Variants in C1orf167 observed in about 807,000 individuals in gnomAD.
C1orf167 encodes the protein chromosome 1 open reading frame 167, also known as uncharacterized protein C1orf167.
C1orf167 carries 153 observed loss-of-function variants against 176.5 expected under a neutral mutation model. The ratio of observed to expected loss-of-function variants is 0.87; its 90% CI spans 0.76 to 0.99. The LOEUF is 0.99. Among genes scored for constraint, C1orf167 ranks in the 50% least tolerant of loss-of-function variants. The pLI, the probability that C1orf167 is intolerant of heterozygous loss-of-function variation, is 0.00. For synonymous variants in C1orf167, 594 were observed against 752.7 expected (o/e 0.79, Z 3.45); for missense variants, 1,490 against 1,817.7 (o/e 0.82, Z 3.28).
chr1:11,773,407 CTT>C (rs1007511135), intron 8 of C1orf167, among the ~76,000 whole-genome samples: 5 of 152,066 alleles, frequency 3.3e-5, no homozygotes, highest in Admixed American at 6.6e-5. Context: ...GATAAGGACT[CTT>C]TAGAAACATA....
chr1:11,775,634 C>G (rs1302326647), intron 9 of C1orf167, 24 bp downstream of exon 9: 17 of 1,288,798 alleles, frequency 1.3e-5, no homozygotes, highest in Non-Finnish European at 1.6e-5. Flanking sequence ...GGCTTCCGCC[C>G]CAGCAAACCG....
chr1:11,771,096 T>G (rs1408759307), intron 6 of C1orf167, among the ~76,000 whole-genome samples: 1 of 89,440 alleles, frequency 1.1e-5, no homozygotes, highest in Admixed American at 1.1e-4. Flanking sequence ...TTTTTTTTTT[T>G]GTAGTAGAGA....
intron 2 of C1orf167, 40 bp downstream of exon 2, chr1:11,764,510 C>T: frequency 7.8e-7 from 1 of 1,282,314 alleles, no homozygotes; most frequent in Non-Finnish European, 1.0e-6. Flanking sequence ...GTTACAGGAG[C>T]AGGGCCCTCT....
chr1:11,784,480 G>A lies in C1orf167; in HGVS notation c.3312G>A (p.Glu1104=). ...ATGAGGCCCAGCAGCAGGCAGGAGA[G>A]AGCGCTGGGGCCCAGGCAGCCCAGT... The part of the protein sequence containing the change: ...MHHEAQQQAG[E]SAGAQAAQCW... Residue 1104 remains glutamate (E), a synonymous_variant, in exon 15 of 21, where the codon GAG becomes GAA. Transcript: ENST00000688073. The A allele has an allele frequency of 1.5e-6, 2 of 1,303,282 alleles. No individual in the cohort carries two copies. Among genetic ancestry groups the A allele is most frequent in the Non-Finnish European group, 2.0e-6 (2 of 988,922 alleles). The allele number at this position is 1,303,282 out of a possible 1,614,324, so 80.7% of individuals were successfully genotyped here.
intron 16 of C1orf167, chr1:11,786,864 A>G (rs1643886891): frequency 6.6e-6 from 1 of 152,256 alleles, no homozygotes; most frequent in African/African-American, 2.4e-5. Flanking sequence ...TTTCTAGATA[A>G]GTTACAGGGC....
At chr1:11,777,095 A>G (rs1299764726) in intron 10 of C1orf167, 1 of 152,954 alleles carries the variant, frequency 6.5e-6, no homozygotes, top group Admixed American at 6.5e-5. Context: ...TCAAGCTTTT[A>G]TCTCCTCTCC....
intron 20 of C1orf167, 85 bp downstream of exon 20, chr1:11,788,831 G>A: frequency 8.3e-7 from 1 of 1,200,956 alleles, no homozygotes; most frequent in South Asian, 1.3e-5. Context: ...CACGCACCGT[G>A]GAGCTTTCCC....
chr1:11,765,107 G>T (rs533690019), intron 2 of C1orf167, among the ~76,000 whole-genome samples: 92 of 149,156 alleles, frequency 6.2e-4, no homozygotes, highest in African/African-American at 1.8e-3. Context: ...CAGCCAAGAA[G>T]GGGAGCAGCC....
intron 15 of C1orf167, 73 bp downstream of exon 15, chr1:11,784,666 G>C (rs959832821): frequency 9.3e-6 from 11 of 1,187,102 alleles, no homozygotes; most frequent in Non-Finnish European, 1.2e-5. Flanking sequence ...TTTGGCAGGG[G>C]TAGAGCGTAA....
chr1:11,766,339 G>GA lies in C1orf167; in HGVS notation c.555dup (p.Ala186SerfsTer129), dbSNP rs1442640114. ...CCCTAGCGGGGACTTCAGGCCCACT[G>GA]AAGCCTTTGCCCCTCTCGATGGGCA... On this transcript the variant is annotated frameshift_variant, in exon 3 of 21. Coordinates refer to ENST00000688073, the MANE Select transcript of C1orf167 (RefSeq NM_001010881.2). LOFTEE classifies it high-confidence loss of function. The surrounding 1 kb of genome is among the most constrained non-coding windows in gnomAD (Gnocchi z 4.5). 1 of 1,282,082 alleles carries GA rather than the reference G, an allele frequency of 7.8e-7. No individual in the cohort carries two copies. Among genetic ancestry groups the GA allele is most frequent in the East Asian group, 5.6e-5 (1 of 17,926 alleles). 79.4% of individuals were successfully genotyped at this position (1,282,082 alleles called of 1,614,324 possible).
At chr1:11,763,192 C>A (rs928427791) in intron 1 of C1orf167, among the ~76,000 whole-genome samples, 1 of 152,240 alleles carries the variant, frequency 6.6e-6, no homozygotes, top group Non-Finnish European at 1.5e-5. Context: ...GTAATCCCAG[C>A]ACTTTGGGAG....
At chr1:11,783,764 G>GT (rs1643698911) in intron 14 of C1orf167, among the ~76,000 whole-genome samples, 2 of 152,220 alleles carry the variant, frequency 1.3e-5, no homozygotes, top group African/African-American at 4.8e-5. Context: ...GTCGTTTACT[G>GT]TTTTGTGGGA....
Position 11,762,226 on chromosome 1 carries a change from C to T in C1orf167, c.-150C>T, listed in dbSNP as rs1389802654. On this transcript the variant is annotated 5_prime_UTR_variant, in exon 1 of 21. Transcript: ENST00000688073. ...CTCCCGCCCGCGACCTGCCGACCTG[C>T]GGGGATCGTTAGCGGTCCCAGCCCC... is the stretch of plus-strand genomic sequence containing the variant. The T allele has an allele frequency of 2.2e-6, 1 of 445,946 alleles. No homozygotes were observed. The highest frequency in any genetic ancestry group is 2.0e-5 in the African/African-American group (1 of 49,830). 27.6% of individuals were successfully genotyped at this position (445,946 alleles called of 1,614,324 possible). A position where few individuals can be genotyped will look rare whatever the true frequency, so the allele number is the denominator to read the frequency against.
At chr1:11,770,140 G>A (rs1167273135) in intron 6 of C1orf167, among the ~76,000 whole-genome samples, 1 of 151,600 alleles carries the variant, frequency 6.6e-6, no homozygotes, top group Non-Finnish European at 1.5e-5. Flanking sequence ...AGGGAAAATG[G>A]TGTGGCAATG....
chr1:11,772,192 T>C lies in C1orf167; in HGVS notation c.1921T>C (p.Ser641Pro). Residue 641 changes from serine (S) to proline (P), a missense_variant, in exon 8 of 21, where the codon TCT becomes CCT. By Grantham distance (74) the Ser-to-Pro change is moderately conservative (BLOSUM62 -1). Transcript: ENST00000688073. ...AGGGAGCTTCCCCCAGGCCTGGCAC[T>C]CTACTGCTGCAGGTGTAGCCTGGGT... ...RTGSFPQAWH[S>P]TAAGVAWVAP... is the part of the protein sequence containing the mutation. The C allele has an allele frequency of 7.7e-7, 1 of 1,304,306 alleles. No individual in the cohort carries two copies. Among genetic ancestry groups the C allele is most frequent in the Non-Finnish European group, 1.0e-6 (1 of 988,956 alleles). 80.8% of individuals were successfully genotyped at this position (1,304,306 alleles called of 1,614,324 possible). A position where few individuals can be genotyped will look rare whatever the true frequency, so the allele number is the denominator to read the frequency against.
At position 11,767,095 on chromosome 1, in the gene C1orf167, CG is replaced by C. The variant is rs542177379; in HGVS notation, c.1299+14del. The C allele has an allele frequency of 7.4e-6, 8 of 1,076,650 alleles. No homozygotes were observed. The highest frequency in any genetic ancestry group is 6.2e-5 in the East Asian group (1 of 16,222). 66.7% of individuals were successfully genotyped at this position (1,076,650 alleles called of 1,614,324 possible). On this transcript the variant is annotated intron_variant, in intron 3 of 20. Transcript: ENST00000688073. ...GAGCAGTGCGTCGAAGGTAGAGGCC[CG>C]GGGAGGCTGGAGGTGGGGTAGGGGG...
chr1:11,772,915 T>TATTATTATTATTATTATTATTTTA (rs1570396926), intron 8 of C1orf167, among the ~76,000 whole-genome samples: 1 of 151,302 alleles, frequency 6.6e-6, no homozygotes, highest in Non-Finnish European at 1.5e-5. Flanking sequence ...TTATTATTAT[T>TATTATTATTATTATTATTATTTTA]TGAGACGGAG....
intron 12 of C1orf167, 69 bp from the exon 13 acceptor site, chr1:11,779,733 G>T: frequency 8.8e-7 from 1 of 1,136,676 alleles, no homozygotes; most frequent in Non-Finnish European, 1.2e-6. Flanking sequence ...GAGAAAGGAG[G>T]GTGGGGCAGG....
rs114019756 is a variant in C1orf167 at position 11,766,385 on chromosome 1, C to A, written c.599C>A (p.Ser200Tyr). Residue 200 changes from serine to tyrosine, a missense_variant, in exon 3 of 21, where the codon TCC (serine) becomes TAC (tyrosine). Coordinates refer to ENST00000688073, the MANE Select transcript of C1orf167 (RefSeq NM_001010881.2). The surrounding 1 kb of genome is among the most constrained non-coding windows in gnomAD (Gnocchi z 4.5). ...GGGCATACACAGCCAGGCCTCAGAT[C>A]CTGGGGTGGTCTGGGGAGCTGGAGG... ...LDGHTQPGLR[S>Y]WGGLGSWRSR... The A allele has an allele frequency of 5.1e-4, 648 of 1,270,656 alleles. 5 individuals are homozygous for A. The African/African-American group carries it at 9.2e-3, about 18-fold the overall frequency. The allele number at this position is 1,270,656 out of a possible 1,614,324, so 78.7% of individuals were successfully genotyped here.
Sources: allele counts gnomAD v4.1 joint callset (sites outside exome capture counted in the v4.1 genomes callset), GRCh38; gene constraint gnomAD v4.1.1; non-coding constraint Gnocchi (gnomAD v3.1); transcripts MANE v1.5; gene names NCBI Gene and HGNC (gene_info 2026-07-23, HGNC 2026-07-21).